BAALC: variants seen among roughly 807,000 people sequenced by gnomAD.
The protein encoded by BAALC is BAALC binder of MAP3K1 and KLF4.
Under a neutral mutation model 15.5 loss-of-function variants are expected in BAALC, and 9 were observed. The observed-to-expected ratio is 0.58, with a 90% CI of 0.35 to 1.02. The LOEUF is 1.02. BAALC is among the 50% of genes least tolerant of loss of function. The pLI, the probability that BAALC is intolerant of heterozygous loss-of-function variation, is 0.02. For synonymous variants in BAALC, 80 were observed against 74.6 expected (o/e 1.07, Z -0.37); for missense variants, 201 against 192.4 (o/e 1.04, Z -0.27).
chr8:103,193,751 T>C (rs1249492694), intron 1 of BAALC, among the ~76,000 whole-genome samples: 1 of 152,166 alleles, frequency 6.6e-6, no homozygotes, highest in Non-Finnish European at 1.5e-5. Context: ...ACATGGTCAA[T>C]ATTATTATTT....
chr8:103,183,332 T>C (rs1811766858), intron 1 of BAALC: 1 of 702,830 alleles, frequency 1.4e-6, no homozygotes, highest in African/African-American at 1.7e-5. Context: ...CCTAACCACT[T>C]CCACTGTTCT....
At chr8:103,222,538 T>C (rs1812701233) in intron 2 of BAALC, among the ~76,000 whole-genome samples, 1 of 152,070 alleles carries the variant, frequency 6.6e-6, no homozygotes, top group Non-Finnish European at 1.5e-5. Context: ...AAAATCAGAG[T>C]TTAGTCCTCA....
chr8:103,197,653 A>G (rs1812124702), intron 1 of BAALC, among the ~76,000 whole-genome samples: 1 of 152,202 alleles, frequency 6.6e-6, no homozygotes, highest in Non-Finnish European at 1.5e-5. Flanking sequence ...TACAGAAAGC[A>G]TGGTACTGTC....
intron 2 of BAALC, among the ~76,000 whole-genome samples, chr8:103,222,262 G>GGGAA (rs1478565625): frequency 3.3e-5 from 5 of 152,090 alleles, no homozygotes; most frequent in African/African-American, 9.7e-5. Context: ...TCCTGGATCT[G>GGGAA]GGAAGGAAGG....
chr8:103,140,896 G>A lies in BAALC; in HGVS notation c.-2G>A, dbSNP rs781019940. On this transcript the variant is annotated 5_prime_UTR_variant, in exon 1 of 3. Coordinates refer to ENST00000309982, the MANE Select transcript of BAALC (RefSeq NM_024812.3). The surrounding 1 kb of genome is among the most constrained non-coding windows in gnomAD (Gnocchi z 4.2). The stretch of plus-strand genomic sequence containing the variant: ...CGCTGGGCGCTCCCGCGGCGCAGGA[G>A]GATGGGCTGCGGCGGGAGCCGGGCG... The A allele has an allele frequency of 3.3e-6, 5 of 1,512,962 alleles. No homozygotes were observed. In the African/African-American group the frequency reaches 7.2e-5, roughly 22 times the overall value. 93.7% of individuals were successfully genotyped at this position (1,512,962 alleles called of 1,614,324 possible). A position where few individuals can be genotyped will look rare whatever the true frequency, so the allele number is the denominator to read the frequency against.
chr8:103,223,628 C>CA (rs1812732496), intron 2 of BAALC, among the ~76,000 whole-genome samples: 1 of 143,368 alleles, frequency 7.0e-6, no homozygotes, highest in Non-Finnish European at 1.6e-5. Context: ...ATTGGGATTA[C>CA]AATTATATAT....
intron 2 of BAALC, among the ~76,000 whole-genome samples, chr8:103,221,173 T>A (rs1224418833): frequency 6.6e-6 from 1 of 152,152 alleles, no homozygotes; most frequent in East Asian, 1.9e-4. Context: ...GTTATCACGG[T>A]CAATCTGGTT....
At chr8:103,203,038 G>C (rs1812253757) in intron 1 of BAALC, among the ~76,000 whole-genome samples, 1 of 152,302 alleles carries the variant, frequency 6.6e-6, no homozygotes, top group African/African-American at 2.4e-5. Context: ...GGGAAGAGAA[G>C]AATTCAGGCC....
chr8:103,195,032 T>G (rs1230697201), intron 1 of BAALC, among the ~76,000 whole-genome samples: 4 of 152,092 alleles, frequency 2.6e-5, no homozygotes, highest in African/African-American at 7.2e-5. Context: ...TTAAGCATCA[T>G]TGAAAAGGAG....
intron 1 of BAALC, among the ~76,000 whole-genome samples, chr8:103,202,333 G>C (rs572316197): frequency 8.5e-5 from 13 of 152,138 alleles, no homozygotes; most frequent in Non-Finnish European, 1.6e-4. Context: ...CATAAGAAGA[G>C]ATTAGGACAC....
intron 1 of BAALC, chr8:103,198,286 T>A: frequency 1.8e-6 from 1 of 545,644 alleles, no homozygotes; most frequent in South Asian, 2.6e-5. Context: ...GATGATTAAA[T>A]GTGATATAAT....
chr8:103,183,049 C>T (rs909962930), intron 1 of BAALC, among the ~76,000 whole-genome samples: 7 of 152,218 alleles, frequency 4.6e-5, no homozygotes, highest in Admixed American at 6.5e-5. Flanking sequence ...CACATTCTCA[C>T]CATAGAACAC....
At chr8:103,226,442 C>G (rs926276152) in intron 2 of BAALC, among the ~76,000 whole-genome samples, 1 of 152,200 alleles carries the variant, frequency 6.6e-6, no homozygotes. Flanking sequence ...AGGCTACTTG[C>G]TGACTGTTCT....
intron 2 of BAALC, among the ~76,000 whole-genome samples, chr8:103,225,460 A>T (rs1812785102): frequency 6.6e-6 from 1 of 152,218 alleles, no homozygotes; most frequent in African/African-American, 2.4e-5. Context: ...AATTGAAAGG[A>T]TGCAAGTAAT....
At chr8:103,178,725 C>T (rs998945321) in intron 1 of BAALC, among the ~76,000 whole-genome samples, 5 of 151,922 alleles carry the variant, frequency 3.3e-5, no homozygotes, top group African/African-American at 7.2e-5. Flanking sequence ...GGTATGGTGG[C>T]GTGTGCCTGT....
chr8:103,150,931 C>T (rs1810972303), intron 1 of BAALC, among the ~76,000 whole-genome samples: 1 of 152,114 alleles, frequency 6.6e-6, no homozygotes, highest in Non-Finnish European at 1.5e-5. Context: ...ACCTCGGGTC[C>T]CTGGGCCTCA....
rs535442533 is a variant in BAALC at position 103,158,972 on chromosome 8, T to C, written c.160+17915T>C. Among the ~76,000 whole-genome samples the C allele has an allele frequency of 7.2e-5, 11 of 152,320 alleles. No individual in the cohort carries two copies. In the South Asian group the frequency reaches 2.1e-3, roughly 29 times the overall value. On this transcript the variant is annotated intron_variant, in intron 1 of 2. Transcript: ENST00000309982. ...TATCTGAGATCATGAATATGTTAAT[T>C]AGCTTGATTTAGCCATTCAAGAATA...
chr8:103,157,857 T>C (rs1178169843), intron 1 of BAALC, among the ~76,000 whole-genome samples: 1 of 152,172 alleles, frequency 6.6e-6, no homozygotes, highest in African/African-American at 2.4e-5. Flanking sequence ...CTATATTAAA[T>C]TGTCATTTTT....
chr8:103,183,583 A>G (rs191990832), intron 1 of BAALC: 2 of 634,218 alleles, frequency 3.2e-6, no homozygotes, highest in Non-Finnish European at 5.7e-6. Context: ...GTCATGAAGC[A>G]TATTTTCCGG....
Sources: gnomAD v4.1 joint callset for allele counts (sites outside exome capture counted in the v4.1 genomes callset) on GRCh38, gnomAD v4.1.1 for gene constraint, Gnocchi (gnomAD v3.1) non-coding constraint, MANE v1.5 for transcripts, NCBI Gene and HGNC (gene_info 2026-07-23, HGNC 2026-07-21) for gene names.